KCNE2: variants seen among roughly 807,000 people sequenced by gnomAD.
KCNE2 encodes the protein potassium voltage-gated channel subfamily E member 2.
In KCNE2, 4 loss-of-function variants were observed where a neutral mutation model predicts 4.5. That is an observed-to-expected ratio of 0.89 (90% confidence interval 0.44 to 2.03). KCNE2 has a LOEUF of 2.03. KCNE2 is among the 30% of genes most tolerant of loss of function. KCNE2 has a pLI of 0.03. For missense variants in KCNE2, 137 were observed against 151.4 expected, an observed-to-expected ratio of 0.90 and a Z score of 0.50; for synonymous variants, 57 against 55.9, an observed-to-expected ratio of 1.02 and a Z score of -0.09.
intron 1 of KCNE2, among the ~76,000 whole-genome samples, chr21:34,367,039 G>T (rs1046878721): frequency 4.7e-5 from 7 of 150,038 alleles, no homozygotes; most frequent in African/African-American, 1.7e-4. Context: ...TTGCAGAAGG[G>T]GCAGAAAAAG....
intron 1 of KCNE2, among the ~76,000 whole-genome samples, chr21:34,365,260 C>T (rs1319484103): frequency 6.6e-6 from 1 of 152,152 alleles, no homozygotes; most frequent in Non-Finnish European, 1.5e-5. Context: ...TGTAGGTCCT[C>T]CTAGGTTGAT....
At chr21:34,370,351 T>G in intron 1 of KCNE2, 116 bp from the exon 2 acceptor site, 1 of 1,231,690 alleles carries the variant, frequency 8.1e-7, no homozygotes, top group East Asian at 2.3e-5. Flanking sequence ...CCAGCCAGGT[T>G]AAGAAGAAAT....
At chr21:34,366,133 G>A (rs757634645) in intron 1 of KCNE2, among the ~76,000 whole-genome samples, 8 of 152,090 alleles carry the variant, frequency 5.3e-5, no homozygotes, top group Admixed American at 1.3e-4. Context: ...GCTGGTGAAC[G>A]CTGCCATGCC....
chr21:34,368,879 T>G (rs1038364009), intron 1 of KCNE2, among the ~76,000 whole-genome samples: 2 of 152,102 alleles, frequency 1.3e-5, no homozygotes, highest in African/African-American at 4.8e-5. Flanking sequence ...TGTGTGCTTT[T>G]GAAGAAAAAG....
intron 1 of KCNE2, among the ~76,000 whole-genome samples, chr21:34,364,735 T>C (rs1025200071): frequency 4.0e-5 from 6 of 149,950 alleles, no homozygotes; most frequent in African/African-American, 1.5e-4. Context: ...ATCACGCCAC[T>C]GCACTCCAGC....
chr21:34,366,232 A>G (rs557588629), intron 1 of KCNE2, among the ~76,000 whole-genome samples: 3 of 152,152 alleles, frequency 2.0e-5, no homozygotes, highest in Admixed American at 6.5e-5. Context: ...AGACTCTTGG[A>G]TGGGCCTTAG....
rs563443223 is a variant in KCNE2, at chr21:34,368,371, C to T, written c.-12-2096C>T. 5.3e-5 allele frequency among the ~76,000 whole-genome samples: 8 copies of T among 151,172 alleles called. No homozygotes were observed. The East Asian group carries it at 1.6e-3, about 29-fold the overall frequency. ...ATCTCAGCACTTTGGGAGGCCGAGGCAGGTGGATCACGAGGTCACGAGATC... is the reference window on the plus strand; with the variant it reads ...ATCTCAGCACTTTGGGAGGCCGAGGTAGGTGGATCACGAGGTCACGAGATC... On this transcript the variant is annotated intron_variant, in intron 1 of 1. Coordinates refer to ENST00000290310, the MANE Select transcript of KCNE2 (RefSeq NM_172201.2).
rs1979549749 is a variant in KCNE2 at position 34,370,738 on chromosome 21, A to G, written c.260A>G (p.Tyr87Cys). 6.2e-7 allele frequency: 1 copy of G among 1,614,068 alleles called. No homozygotes were observed. Among genetic ancestry groups the G allele is most frequent in the Non-Finnish European group, 8.5e-7 (1 of 1,180,018 alleles). ...CACTCCAATGACCCCTACCACCAGTACATTGTAGAGGACTGGCAGGAAAAG... is the reference window on the plus strand; with the variant it reads ...CACTCCAATGACCCCTACCACCAGTGCATTGTAGAGGACTGGCAGGAAAAG... The part of the protein sequence containing the change: ...REHSNDPYHQ[Y>C]IVEDWQEKYK... Residue 87 changes from tyrosine (Y) to cysteine (C), a missense_variant, in exon 2 of 2, where the codon TAC (tyrosine) becomes TGC (cysteine). Physicochemically the swap from Tyr to Cys is radical, Grantham distance 194. Transcript: ENST00000290310.
intron 1 of KCNE2, among the ~76,000 whole-genome samples, 166 bp from the exon 2 acceptor site, chr21:34,370,301 C>T (rs777099900): frequency 1.1e-4 from 17 of 152,086 alleles, no homozygotes; most frequent in Non-Finnish European, 1.5e-4. Flanking sequence ...ATAAAATGTA[C>T]GCAGTCAGTT....
Position 34,370,820 on chromosome 21 carries a change from T to A in KCNE2, c.342T>A (p.Ile114=), listed in dbSNP as rs1979556726. 2.5e-6 allele frequency: 4 copies of A among 1,614,146 alleles called. No individual in the cohort carries two copies. The East Asian group carries it at 6.7e-5, about 27-fold the overall frequency. Residue 114 remains isoleucine, a synonymous_variant, in exon 2 of 2, where the codon ATT becomes ATA. Coordinates refer to ENST00000290310, the MANE Select transcript of KCNE2 (RefSeq NM_172201.2). The part of the protein sequence containing the change: ...EESKATIHEN[I]GAAGFKMSP ...CGAAGGCCACCATCCATGAGAACAT[T>A]GGTGCGGCTGGGTTCAAAATGTCCC...
intron 1 of KCNE2, among the ~76,000 whole-genome samples, chr21:34,366,762 G>C (rs554527480): frequency 6.6e-6 from 1 of 150,754 alleles, no homozygotes; most frequent in Non-Finnish European, 1.5e-5. Context: ...GGCGGATCAC[G>C]AGGTCAGGAG....
intron 1 of KCNE2, among the ~76,000 whole-genome samples, chr21:34,366,974 CAAAAA>C (rs747133749): frequency 3.4e-4 from 5 of 14,822 alleles, no homozygotes; most frequent in African/African-American, 9.0e-4. Flanking sequence ...GACTCCATCT[CAAAAA>C]AAAAAAAAAA....
intron 1 of KCNE2, among the ~76,000 whole-genome samples, chr21:34,368,242 A>ATG (rs1979413124): frequency 8.8e-6 from 1 of 113,304 alleles, no homozygotes; most frequent in Non-Finnish European, 1.7e-5. Context: ...ATATATATAT[A>ATG]TATATATATA....
intron 1 of KCNE2, among the ~76,000 whole-genome samples, chr21:34,368,202 C>T (rs1481424834): frequency 1.1e-5 from 1 of 87,968 alleles, no homozygotes; most frequent in Non-Finnish European, 2.1e-5. Context: ...AATAATCACA[C>T]ACACACACAC....
rs1325930005 is a variant in KCNE2, at chr21:34,371,370, CA to C, written c.*523del. 6 of 167,074 alleles carry C rather than the reference CA, an allele frequency of 3.6e-5. No individual in the cohort carries two copies. The highest frequency in any genetic ancestry group is 3.5e-4 in the Admixed American group (6 of 17,014). The allele number at this position is 167,074 out of a possible 1,614,324, so 10.3% of individuals were successfully genotyped here. On this transcript the variant is annotated 3_prime_UTR_variant, in exon 2 of 2. Coordinates refer to ENST00000290310, the MANE Select transcript of KCNE2 (RefSeq NM_172201.2). ...TGTGGAGTCTGAAGAGATGAATAAA[CA>C]AACCATAAGATTACTTTACATTTAT...
At chr21:34,366,177 G>C (rs1021433174) in intron 1 of KCNE2, among the ~76,000 whole-genome samples, 1 of 152,176 alleles carries the variant, frequency 6.6e-6, no homozygotes, top group African/African-American at 2.4e-5. Context: ...GACTCCAGTG[G>C]AATTCAGCAC....
At chr21:34,365,496 G>C (rs1452439963) in intron 1 of KCNE2, among the ~76,000 whole-genome samples, 1 of 152,166 alleles carries the variant, frequency 6.6e-6, no homozygotes, top group African/African-American at 2.4e-5. Context: ...TGTGATCATG[G>C]CTTACTGCAG....
chr21:34,366,777 A>G (rs1396203174), intron 1 of KCNE2, among the ~76,000 whole-genome samples: 1 of 151,416 alleles, frequency 6.6e-6, no homozygotes, highest in Admixed American at 6.6e-5. Context: ...CAGGAGATCG[A>G]GACCATCCTG....
intron 1 of KCNE2, among the ~76,000 whole-genome samples, chr21:34,366,584 C>T (rs1303918782): frequency 1.3e-5 from 2 of 152,026 alleles, no homozygotes; most frequent in Non-Finnish European, 2.9e-5. Flanking sequence ...CTCCTGTCAT[C>T]GGGACTCAGT....
Sources: allele counts gnomAD v4.1 joint callset (sites outside exome capture counted in the v4.1 genomes callset), GRCh38; gene constraint gnomAD v4.1.1; transcripts MANE v1.5; gene names NCBI Gene and HGNC (gene_info 2026-07-23, HGNC 2026-07-21).